The following LSAMP variants were observed in gnomAD, a reference collection of about 807,000 sequenced individuals.
The protein encoded by LSAMP is limbic system associated membrane protein.
A neutral mutation model predicts 38.6 loss-of-function variants in LSAMP; 7 were observed. The observed-to-expected ratio is 0.18, with a 90% CI of 0.10 to 0.34. The LOEUF is 0.34. Ranked by LOEUF, LSAMP falls within the 10% of genes least tolerant of loss-of-function variation. The pLI is 1.00. For missense variants in LSAMP, 313 were observed against 420.0 expected, an observed-to-expected ratio of 0.75 and a Z score of 2.23; for synonymous variants, 154 against 166.8, an observed-to-expected ratio of 0.92 and a Z score of 0.59.
At chr3:116,060,625 T>C (rs948119753) in intron 2 of LSAMP, among the ~76,000 whole-genome samples, 1 of 152,182 alleles carries the variant, frequency 6.6e-6, no homozygotes, top group Non-Finnish European at 1.5e-5. Context: ...CCGGACATGG[T>C]GGCACATGCC....
At chr3:116,162,678 C>T (rs1244816251) in intron 1 of LSAMP, among the ~76,000 whole-genome samples, 1 of 82,516 alleles carries the variant, frequency 1.2e-5, no homozygotes, top group Non-Finnish European at 2.8e-5. Context: ...TTCACTGGTT[C>T]TCTCTCTCTC....
intron 3 of LSAMP, among the ~76,000 whole-genome samples, chr3:115,922,312 G>A (rs980146130): frequency 1.3e-5 from 2 of 151,888 alleles, no homozygotes; most frequent in African/African-American, 4.8e-5. Context: ...CAAATAACCT[G>A]TCTTTGAGTT....
intron 3 of LSAMP, among the ~76,000 whole-genome samples, chr3:115,974,669 G>GA (rs1271002781): frequency 6.6e-6 from 1 of 152,190 alleles, no homozygotes; most frequent in Non-Finnish European, 1.5e-5. Flanking sequence ...AAGACAAGGG[G>GA]AATAGAGGAA....
At chr3:116,244,304 C>T (rs1448654600) in intron 1 of LSAMP, among the ~76,000 whole-genome samples, 1 of 152,156 alleles carries the variant, frequency 6.6e-6, no homozygotes, top group Non-Finnish European at 1.5e-5. Context: ...AATACCACTT[C>T]AATTTTCCTC....
intron 1 of LSAMP, among the ~76,000 whole-genome samples, chr3:116,327,560 G>T (rs1171711814): frequency 1.3e-5 from 2 of 151,894 alleles, no homozygotes; most frequent in Non-Finnish European, 2.9e-5. Context: ...AATCCGTTTG[G>T]TTCTTCACTA....
intron 6 of LSAMP, among the ~76,000 whole-genome samples, chr3:115,811,758 A>G (rs1301908250): frequency 1.3e-5 from 2 of 152,154 alleles, no homozygotes; most frequent in Non-Finnish European, 2.9e-5. Flanking sequence ...AACAATAAGA[A>G]CGAAACCACA....
chr3:116,431,367 C>G (rs1300217742), intron 1 of LSAMP, among the ~76,000 whole-genome samples: 1 of 152,090 alleles, frequency 6.6e-6, no homozygotes, highest in Non-Finnish European at 1.5e-5. Flanking sequence ...CCACGCTATA[C>G]TTTGTTCCCA....
chr3:116,111,365 TTCTC>T (rs888955452), intron 1 of LSAMP, among the ~76,000 whole-genome samples: 2 of 152,214 alleles, frequency 1.3e-5, no homozygotes, highest in Non-Finnish European at 2.9e-5. Context: ...GTAAGTTTTA[TTCTC>T]TCTGATTTGT....
chr3:116,409,694 A>G (rs2048945922), intron 1 of LSAMP, among the ~76,000 whole-genome samples: 1 of 152,128 alleles, frequency 6.6e-6, no homozygotes, highest in Middle Eastern at 3.2e-3. Context: ...TGAGGTAAGT[A>G]GAGAAAGAGC....
intron 2 of LSAMP, among the ~76,000 whole-genome samples, chr3:116,052,579 G>C (rs1017922651): frequency 6.6e-6 from 1 of 152,158 alleles, no homozygotes; most frequent in African/African-American, 2.4e-5. Flanking sequence ...GTCCCCGTGA[G>C]GCTAAGAAGT....
chr3:116,134,510 G>A (rs748013725), intron 1 of LSAMP, among the ~76,000 whole-genome samples: 65 of 151,890 alleles, frequency 4.3e-4, no homozygotes, highest in Admixed American at 3.8e-3. Flanking sequence ...AGTCATATTC[G>A]GCCAACCCAT....
intron 3 of LSAMP, among the ~76,000 whole-genome samples, chr3:115,951,191 A>G (rs1447279526): frequency 2.0e-5 from 3 of 152,154 alleles, no homozygotes; most frequent in Non-Finnish European, 4.4e-5. Context: ...CATCAGAAAA[A>G]CTCTTCTAGA....
intron 1 of LSAMP, among the ~76,000 whole-genome samples, chr3:116,107,273 G>A (rs117918293): frequency 1.1e-3 from 164 of 152,290 alleles, no homozygotes; most frequent in East Asian, 7.1e-3. Flanking sequence ...AGGAGCCGGG[G>A]AGCAGAAAAG....
intron 1 of LSAMP, among the ~76,000 whole-genome samples, chr3:116,395,022 TAC>T (rs1559852908): frequency 1.3e-5 from 2 of 152,218 alleles, no homozygotes; most frequent in Non-Finnish European, 2.9e-5. Context: ...CTCTCATTTC[TAC>T]AGTTGTTTTC....
At chr3:116,349,396 T>C (rs1223946330) in intron 1 of LSAMP, among the ~76,000 whole-genome samples, 7 of 151,812 alleles carry the variant, frequency 4.6e-5, no homozygotes, top group African/African-American at 7.3e-5. Context: ...TTTTTTAATA[T>C]GAGAAGCAAA....
At chr3:115,866,057 C>G (rs1935849026) in intron 3 of LSAMP, among the ~76,000 whole-genome samples, 1 of 152,272 alleles carries the variant, frequency 6.6e-6, no homozygotes, top group African/African-American at 2.4e-5. Context: ...TTTTCTCTCT[C>G]TGTGTCTCTT....
At chr3:116,415,228 T>TATAACCATA (rs2049034187) in intron 1 of LSAMP, among the ~76,000 whole-genome samples, 3 of 151,488 alleles carry the variant, frequency 2.0e-5, no homozygotes, top group African/African-American at 7.3e-5. Context: ...TAGTTATTAT[T>TATAACCATA]TTACAGAGGA....
chr3:116,251,662 G>A (rs761560845), intron 1 of LSAMP, among the ~76,000 whole-genome samples: 1 of 152,202 alleles, frequency 6.6e-6, no homozygotes, highest in Non-Finnish European at 1.5e-5. Flanking sequence ...TTCCTCAGAA[G>A]GGATTACTGC....
chr3:116,384,741 A>G (rs2048603894), intron 1 of LSAMP, among the ~76,000 whole-genome samples: 1 of 152,108 alleles, frequency 6.6e-6, no homozygotes, highest in Non-Finnish European at 1.5e-5. Context: ...TTTCTTGCAT[A>G]TCACCACCTG....
Sources: gnomAD v4.1 joint callset for allele counts (sites outside exome capture counted in the v4.1 genomes callset) on GRCh38, gnomAD v4.1.1 for gene constraint, MANE v1.5 for transcripts, NCBI Gene and HGNC (gene_info 2026-07-23, HGNC 2026-07-21) for gene names.